The following GPAT2 variants were observed in gnomAD, a reference collection of about 807,000 sequenced individuals.
GPAT2 encodes 1-acylglycerol-3-phosphate O-acyltransferase GPAT2.
In GPAT2, 51 loss-of-function variants were observed where a neutral mutation model predicts 71.0. The ratio of observed to expected loss-of-function variants is 0.72; its 90% CI spans 0.57 to 0.91. The LOEUF is 0.91. Ranked by LOEUF, GPAT2 falls within the 40% of genes least tolerant of loss-of-function variation. The probability of loss-of-function intolerance (pLI) is 0.00; values close to 1 mark genes in which losing one functional copy is unlikely to be tolerated. For synonymous variants in GPAT2, 222 were observed against 290.3 expected (o/e 0.76, Z 2.39); for missense variants, 511 against 666.0 (o/e 0.77, Z 2.56).
intron 12 of GPAT2, 143 bp from the exon 13 acceptor site, chr2:96,025,746 C>A (rs1437629000): frequency 3.5e-6 from 5 of 1,409,176 alleles, no homozygotes; most frequent in Non-Finnish European, 4.9e-6. Context: ...CCAGTCCCAT[C>A]CAGGCCTCTG....
At chr2:96,024,917 G>A in intron 13 of GPAT2, 74 bp from the exon 14 acceptor site, 1 of 1,545,862 alleles carries the variant, frequency 6.5e-7, no homozygotes, top group South Asian at 1.1e-5. Context: ...GATCTAGCAA[G>A]TCTTCCTAGC....
rs745910315 is a variant in GPAT2, at chr2:96,022,703, C to T, written c.2254G>A (p.Ala752Thr). ...GIFECADPKL[A>T]ISAVWTFRDL... Reference sequence around the variant, plus strand: ...CTGAAGGTCCAGACAGCACTGATGGCGAGCTTTGGGTCCGCACACTCTGGA... The same window carrying T: ...CTGAAGGTCCAGACAGCACTGATGGTGAGCTTTGGGTCCGCACACTCTGGA... The change falls in exon 21 of 22, where the codon GCC (alanine) becomes ACC (threonine). Residue 752 changes from alanine to threonine, a missense_variant. Ala to Thr is a moderately conservative substitution (Grantham distance 58). Coordinates refer to ENST00000434632, the MANE Select transcript of GPAT2 (RefSeq NM_001321527.2). The T allele has an allele frequency of 4.3e-6, 7 of 1,613,914 alleles. No homozygotes were observed. The highest frequency in any genetic ancestry group is 1.7e-5 in the Admixed American group (1 of 60,006).
chr2:96,024,792 A>G lies in GPAT2; in HGVS notation c.1409T>C (p.Leu470Pro). Reference protein sequence around the residue: ...VMSTAIMATLLLFKHQKGVFL... With the variant: ...VMSTAIMATLPLFKHQKGVFL... The stretch of plus-strand genomic sequence containing the variant: ...CCCTACCTTCTGATGCTTGAAGAGC[A>G]GCAGCGTTGCCATAATGGCCGTGCT... The change falls in exon 14 of 22, where the codon CTG becomes CCG. Residue 470 changes from leucine (L) to proline (P), a missense_variant. Leu to Pro is a moderately conservative substitution (Grantham distance 98, BLOSUM62 -3). Around this residue, in one of 7 missense-constraint regions of GPAT2, gnomAD observed 295 missense variants for 305.5 expected, o/e 0.97. Transcript: ENST00000434632. 5 of 1,613,818 alleles carry G rather than the reference A, an allele frequency of 3.1e-6. No homozygotes were observed. Among genetic ancestry groups the G allele is most frequent in the Non-Finnish European group, 3.4e-6 (4 of 1,179,952 alleles).
Position 96,022,954 on chromosome 2 carries a change from T to G in GPAT2, c.2233+4A>C. ...GGAGCCTGGGCTGACTGGTTGGGACTCACCGAAGATCCCTTCTTCCTGGGC... is the reference window on the plus strand; with the variant it reads ...GGAGCCTGGGCTGACTGGTTGGGACGCACCGAAGATCCCTTCTTCCTGGGC... On this transcript the variant is annotated splice_donor_region_variant and intron_variant, in intron 20 of 21. Coordinates refer to ENST00000434632, the MANE Select transcript of GPAT2 (RefSeq NM_001321527.2). The G allele has an allele frequency of 6.2e-7, 1 of 1,613,770 alleles. No homozygotes were observed. The highest frequency in any genetic ancestry group is 8.5e-7 in the Non-Finnish European group (1 of 1,179,860).
At position 96,022,228 on chromosome 2, in the gene GPAT2, G is replaced by A. The variant is rs199991369; in HGVS notation, c.2337C>T (p.Ser779=). ...GATTGTCCAGGCTGGCAAAAGTAGG[G>A]GACAGGTGGAGCCTGGGGCCTGCAG... ...PSPAGPRLHL[S]PTFASLDNQE... The change falls in exon 22 of 22, where the codon TCC becomes TCT. Residue 779 remains serine, a synonymous_variant. Transcript: ENST00000434632. 46 of 1,609,706 alleles carry A rather than the reference G, an allele frequency of 2.9e-5. No homozygotes were observed. The highest frequency in any genetic ancestry group is 3.8e-5 in the Non-Finnish European group (45 of 1,178,492).
intron 20 of GPAT2, 69 bp from the exon 21 acceptor site, chr2:96,022,792 C>G: frequency 1.2e-6 from 2 of 1,613,904 alleles, no homozygotes; most frequent in Admixed American, 1.7e-5. Flanking sequence ...AGGCTTCTCT[C>G]CTCTTGTTTA....
At position 96,024,275 on chromosome 2, in the gene GPAT2, C is replaced by T. The variant is rs1680095309; in HGVS notation, c.1750G>A (p.Gly584Ser). The change falls in exon 16 of 22, where the codon GGC (glycine) becomes AGC (serine). Residue 584 changes from glycine to serine, a missense_variant. By Grantham distance (56) the Gly-to-Ser change is moderately conservative. Transcript: ENST00000434632. ...VPPQGPWELQ[G>S]ILLLSQNELY... ...TCATTCTGGCTCAGCAGCAATATGC[C>T]CTGCAGCTCCCAGGGCCCCTGGGGC... is the stretch of plus-strand genomic sequence containing the variant. 6.4e-7 allele frequency: 1 copy of T among 1,551,624 alleles called. No homozygotes were observed. The highest frequency in any genetic ancestry group is 1.4e-5 in the African/African-American group (1 of 73,394).
chr2:96,023,187 G>A lies in GPAT2; in HGVS notation c.2086C>T (p.Leu696Phe), dbSNP rs768517679. 3.1e-5 allele frequency: 49 copies of A among 1,601,408 alleles called. 1 individual carries two copies. Among genetic ancestry groups the A allele is most frequent in the Non-Finnish European group, 3.9e-5 (46 of 1,174,112 alleles). The part of the protein sequence containing the change: ...QSHCPDFFLF[L>F]CRLLSPLLKA... ...AGCAGCGGGCTGAGCAGGCGGCAGA[G>A]GAAAAGAAAGAAATCTGGGCAGTGT... The change falls in exon 19 of 22, where the codon CTC (leucine) becomes TTC (phenylalanine). Residue 696 changes from leucine (L) to phenylalanine (F), a missense_variant. Leu to Phe is a conservative substitution (Grantham distance 22, BLOSUM62 0). Transcript: ENST00000434632.
Position 96,023,928 on chromosome 2 carries a change from C to T in GPAT2, c.1909G>A (p.Glu637Lys), listed in dbSNP as rs1415133049. The T allele has an allele frequency of 1.6e-5, 26 of 1,598,646 alleles. No homozygotes were observed. Among genetic ancestry groups the T allele is most frequent in the Non-Finnish European group, 2.0e-5 (24 of 1,173,020 alleles). The change falls in exon 17 of 22, where the codon GAG becomes AAG. Residue 637 changes from glutamate to lysine, a missense_variant. Around this residue, in one of 7 missense-constraint regions of GPAT2, gnomAD observed 295 missense variants for 305.5 expected, o/e 0.97. Transcript: ENST00000434632. ...TCTCCAACTGCCCTGCCTACCTCCT[C>T]AGCAACCAGGAGCCCGCATTGGATG... The part of the protein sequence containing the change: ...RLIQCGLLVA[E>K]ETPGSRPACD...
At position 96,023,373 on chromosome 2, in the gene GPAT2, G is replaced by T; in HGVS notation, c.1982C>A (p.Pro661Gln). 1.9e-6 allele frequency: 3 copies of T among 1,614,194 alleles called. No homozygotes were observed. The highest frequency in any genetic ancestry group is 2.5e-6 in the Non-Finnish European group (3 of 1,180,030). The part of the protein sequence containing the change: ...QRLSRKLLWK[P>Q]SGDFTDSDSD... ...GTCACTATCAGTAAAGTCCCCACTC[G>T]GTTTCCACAGCAGCTTTCTGCTCAA... Residue 661 changes from proline to glutamine, a missense_variant, in exon 18 of 22, where the codon CCG becomes CAG. Physicochemically the swap from Pro to Gln is moderately conservative, Grantham distance 76. This residue lies in a region of GPAT2 where 295 missense variants were observed against 305.5 expected (regional missense o/e 0.97). Coordinates refer to ENST00000434632, the MANE Select transcript of GPAT2 (RefSeq NM_001321527.2).
rs1443113484 is a variant in GPAT2 at position 96,023,527 on chromosome 2, G to T, written c.1915-87C>A. 4 of 1,420,024 alleles carry T rather than the reference G, an allele frequency of 2.8e-6. No homozygotes were observed. In the African/African-American group the frequency reaches 4.1e-5, roughly 15 times the overall value. The allele number at this position is 1,420,024 out of a possible 1,614,324, so 88.0% of individuals were successfully genotyped here. On this transcript the variant is annotated intron_variant, in intron 17 of 21. Coordinates refer to ENST00000434632, the MANE Select transcript of GPAT2 (RefSeq NM_001321527.2). Reference sequence around the variant, plus strand: ...GACCAGGTACATGCAGGTGAAACCAGTAAAAGCAGACCTAGAGACCCAAGA... The same window carrying T: ...GACCAGGTACATGCAGGTGAAACCATTAAAAGCAGACCTAGAGACCCAAGA...
rs1294319404 is a variant in GPAT2 at position 96,024,412 on chromosome 2, C to A, written c.1687+15G>T. The A allele has an allele frequency of 6.2e-7, 1 of 1,611,864 alleles. No individual in the cohort carries two copies. Among genetic ancestry groups the A allele is most frequent in the Admixed American group, 1.7e-5 (1 of 59,972 alleles). The stretch of plus-strand genomic sequence containing the variant: ...GCACACACATCCCACCTACCCCGTG[C>A]ACCTCAAGACTCACCGCCCACAGCC... On this transcript the variant is annotated intron_variant, in intron 15 of 21. Transcript: ENST00000434632.
chr2:96,023,562 G>C, intron 17 of GPAT2, 122 bp from the exon 18 acceptor site: 2 of 1,065,938 alleles, frequency 1.9e-6, no homozygotes, highest in Non-Finnish European at 2.8e-6. Flanking sequence ...AGGATGGCCA[G>C]AGCCATGCCC....
chr2:96,022,085 C>T lies in GPAT2; in HGVS notation c.*74G>A. On this transcript the variant is annotated 3_prime_UTR_variant, in exon 22 of 22. Transcript: ENST00000434632. ...AGCAGCTAAGGGTTTGCAGCCTCCTCTCCATCTTCTGGCTCTAGGACACAG... is the reference window on the plus strand; with the variant it reads ...AGCAGCTAAGGGTTTGCAGCCTCCTTTCCATCTTCTGGCTCTAGGACACAG... The T allele has an allele frequency of 6.4e-7, 1 of 1,552,196 alleles. No individual in the cohort carries two copies. Among genetic ancestry groups the T allele is most frequent in the Non-Finnish European group, 8.7e-7 (1 of 1,149,958 alleles).
At position 96,022,839 on chromosome 2, in the gene GPAT2, G is replaced by A. The variant is rs972634840; in HGVS notation, c.2234-116C>T. 2.2e-5 allele frequency: 35 copies of A among 1,612,462 alleles called. No homozygotes were observed. In the Admixed American group the frequency reaches 5.5e-4, roughly 25 times the overall value. On this transcript the variant is annotated intron_variant, in intron 20 of 21. Coordinates refer to ENST00000434632, the MANE Select transcript of GPAT2 (RefSeq NM_001321527.2). ...GGAGGGATAGAGCTCTGACTGGACA[G>A]AAGACTGTACTCTGCAGCCTGCCTT...
chr2:96,022,200 C>G lies in GPAT2; in HGVS notation c.2365G>C (p.Glu789Gln). The G allele has an allele frequency of 6.2e-7, 1 of 1,611,136 alleles. No homozygotes were observed. Among genetic ancestry groups the G allele is most frequent in the Non-Finnish European group, 8.5e-7 (1 of 1,179,416 alleles). The change falls in exon 22 of 22, where the codon GAA becomes CAA. Residue 789 changes from glutamate (E) to glutamine (Q), a missense_variant. By Grantham distance (29) the Glu-to-Gln change is conservative (BLOSUM62 2). Around this residue, in one of 7 missense-constraint regions of GPAT2, gnomAD observed 108 missense variants for 117.6 expected, o/e 0.92. Coordinates refer to ENST00000434632, the MANE Select transcript of GPAT2 (RefSeq NM_001321527.2). ...TGCCGGATGAACTGTTCTAGTTTTT[C>G]CTGATTGTCCAGGCTGGCAAAAGTA... is the stretch of plus-strand genomic sequence containing the variant. ...SPTFASLDNQEKLEQFIRQFI... is the reference protein window; with the variant it reads ...SPTFASLDNQQKLEQFIRQFI...
chr2:96,024,529 G>A lies in GPAT2; in HGVS notation c.1585C>T (p.Gln529Ter). 1 of 1,613,910 alleles carries A rather than the reference G, an allele frequency of 6.2e-7. No individual in the cohort carries two copies. The highest frequency in any genetic ancestry group is 1.1e-5 in the South Asian group (1 of 91,080). The part of the protein sequence containing the change: ...RAHVALLRIR[Q>*]GDLLVVPQPG... ...TGCGGCACCACCAGCAAGTCACCCT[G>A]ACGGATGCGCAGCAGGGCCACGTGC... Residue 529 changes from glutamine to a stop codon, truncating the protein, a stop_gained, in exon 15 of 22, where the codon CAG becomes TAG. Coordinates refer to ENST00000434632, the MANE Select transcript of GPAT2 (RefSeq NM_001321527.2). LOFTEE classifies it high-confidence loss of function.
At chr2:96,024,084 C>T in intron 16 of GPAT2, 84 bp from the exon 17 acceptor site, 1 of 1,597,322 alleles carries the variant, frequency 6.3e-7, no homozygotes, top group Middle Eastern at 1.9e-4. Context: ...AAGGCCACAC[C>T]TACTACCCAG....
chr2:96,024,913 G>GC (rs1238873530), intron 13 of GPAT2, 70 bp from the exon 14 acceptor site: 3 of 1,560,330 alleles, frequency 1.9e-6, no homozygotes, highest in Non-Finnish European at 2.6e-6. Context: ...CCATGATCTA[G>GC]CAAGTCTTCC....
Sources: allele counts gnomAD v4.1 joint callset, GRCh38; gene constraint gnomAD v4.1.1; regional missense constraint gnomAD v4.1.1; transcripts MANE v1.5; gene names NCBI Gene and HGNC (gene_info 2026-07-23, HGNC 2026-07-21).